The following ANKRD17 variants were observed in gnomAD, a reference collection of about 807,000 sequenced individuals.
ANKRD17 encodes ankyrin repeat domain-containing protein 17.
In ANKRD17, 19 loss-of-function variants were observed where a neutral mutation model predicts 229.7. The observed-to-expected ratio is 0.08, with a 90% CI of 0.06 to 0.12. The LOEUF is 0.12. Among genes scored for constraint, ANKRD17 ranks in the 10% least tolerant of loss-of-function variants. The pLI is 1.00. For synonymous variants in ANKRD17, 1,112 were observed against 1,146.1 expected, an observed-to-expected ratio of 0.97 and a Z score of 0.60; for missense variants, 2,176 against 3,176.8, an observed-to-expected ratio of 0.68 and a Z score of 7.57.
intron 22 of ANKRD17, among the ~76,000 whole-genome samples, chr4:73,117,614 A>G (rs1333137860): frequency 6.6e-6 from 1 of 152,224 alleles, no homozygotes; most frequent in Non-Finnish European, 1.5e-5. Context: ...AGGTAGAATA[A>G]AGAACAGCGG....
intron 22 of ANKRD17, among the ~76,000 whole-genome samples, chr4:73,117,961 G>C (rs1726177666): frequency 6.6e-6 from 1 of 152,164 alleles, no homozygotes; most frequent in Non-Finnish European, 1.5e-5. Context: ...AATGCTGGTA[G>C]TGGCATTTTC....
chr4:73,178,981 G>A (rs1323691178), intron 1 of ANKRD17, among the ~76,000 whole-genome samples: 1 of 151,916 alleles, frequency 6.6e-6, no homozygotes, highest in Non-Finnish European at 1.5e-5. Flanking sequence ...TAACTAATAA[G>A]CTAGAATACA....
At chr4:73,109,754 T>C (rs965090046) in intron 24 of ANKRD17, among the ~76,000 whole-genome samples, 13 of 152,082 alleles carry the variant, frequency 8.5e-5, no homozygotes, top group Non-Finnish European at 1.9e-4. Context: ...GATTGTTTTT[T>C]CTCGACACGT....
intron 1 of ANKRD17, among the ~76,000 whole-genome samples, chr4:73,191,337 A>ATGTGTGTGTGTGTGTGTG (rs1349894740): frequency 3.4e-4 from 21 of 61,908 alleles, no homozygotes; most frequent in African/African-American, 1.3e-3. Flanking sequence ...ACCAAAAAAT[A>ATGTGTGTGTGTGTGTGTG]TATATGTGTG....
chr4:73,090,960 G>A lies in ANKRD17; in HGVS notation c.6668C>T (p.Thr2223Ile). 2 of 1,614,228 alleles carry A rather than the reference G, an allele frequency of 1.2e-6. No homozygotes were observed. The highest frequency in any genetic ancestry group is 2.2e-5 in the East Asian group (1 of 44,884). ...SVPSSVQLPS[T>I]LSTQSACQNS... ...CTGACAAGCACTTTGTGTACTTAAG[G>A]TCGAAGGTAGCTGGACAGAAGAGGG... Residue 2223 changes from threonine (T) to isoleucine (I), a missense_variant, in exon 29 of 34, where the codon ACC becomes ATC. By Grantham distance (89) the Thr-to-Ile change is moderately conservative. This residue lies in a region of ANKRD17 where 424 missense variants were observed against 454.0 expected (regional missense o/e 0.93). Coordinates refer to ENST00000358602, the MANE Select transcript of ANKRD17 (RefSeq NM_032217.5).
intron 1 of ANKRD17, among the ~76,000 whole-genome samples, chr4:73,210,047 A>T (rs2149149975): frequency 6.6e-6 from 1 of 152,316 alleles, no homozygotes; most frequent in Non-Finnish European, 1.5e-5. Flanking sequence ...AAAGAAGCCC[A>T]TAGTCACCAG....
At chr4:73,149,443 C>A (rs1444523325) in intron 7 of ANKRD17, among the ~76,000 whole-genome samples, 1 of 152,022 alleles carries the variant, frequency 6.6e-6, no homozygotes, top group Non-Finnish European at 1.5e-5. Flanking sequence ...TAAGGATAAG[C>A]AAACTTTTGA....
intron 14 of ANKRD17, 118 bp downstream of exon 14, chr4:73,141,623 T>A: frequency 1.1e-6 from 1 of 922,676 alleles, no homozygotes; most frequent in East Asian, 2.6e-5. Flanking sequence ...TATCATGGGT[T>A]AAAAATTTAG....
At chr4:73,204,159 C>A (rs943077836) in intron 1 of ANKRD17, among the ~76,000 whole-genome samples, 1 of 151,758 alleles carries the variant, frequency 6.6e-6, no homozygotes, top group Admixed American at 6.6e-5. Flanking sequence ...GTCACTGAGA[C>A]CATCCTGGTA....
At chr4:73,085,791 G>A (rs969528880) in intron 29 of ANKRD17, among the ~76,000 whole-genome samples, 2 of 150,342 alleles carry the variant, frequency 1.3e-5, no homozygotes, top group South Asian at 2.1e-4. Context: ...TGAACCCAGA[G>A]TTCAAGGCCA....
At chr4:73,216,020 G>A (rs1468013169) in intron 1 of ANKRD17, among the ~76,000 whole-genome samples, 1 of 152,100 alleles carries the variant, frequency 6.6e-6, no homozygotes, top group Non-Finnish European at 1.5e-5. Flanking sequence ...CATTATGACT[G>A]TACCTGTGAA....
At chr4:73,125,357 T>C in intron 16 of ANKRD17, 45 bp from the exon 17 acceptor site, 2 of 1,297,050 alleles carry the variant, frequency 1.5e-6, no homozygotes, top group Non-Finnish European at 2.2e-6. Context: ...TAACTTAAGA[T>C]GTTAATATCA....
intron 3 of ANKRD17, among the ~76,000 whole-genome samples, chr4:73,158,022 T>C (rs907336281): frequency 6.0e-5 from 9 of 150,822 alleles, no homozygotes; most frequent in African/African-American, 2.2e-4. Flanking sequence ...ACCCAGGAGG[T>C]GGAGGTTGCA....
chr4:73,184,299 C>T (rs371948326), intron 1 of ANKRD17, among the ~76,000 whole-genome samples: 113 of 152,150 alleles, frequency 7.4e-4, no homozygotes, highest in African/African-American at 2.4e-4. Context: ...GAGGCCAAGG[C>T]GGGCAGATCA....
chr4:73,147,228 CAA>C lies in ANKRD17; in HGVS notation c.1759+11_1759+12del, dbSNP rs1560594941. The C allele has an allele frequency of 1.3e-6, 2 of 1,519,344 alleles. No homozygotes were observed. Among genetic ancestry groups the C allele is most frequent in the Non-Finnish European group, 1.8e-6 (2 of 1,133,844 alleles). 94.1% of individuals were successfully genotyped at this position (1,519,344 alleles called of 1,614,324 possible). A position where few individuals can be genotyped will look rare whatever the true frequency, so the allele number is the denominator to read the frequency against. On this transcript the variant is annotated intron_variant, in intron 9 of 33. Coordinates refer to ENST00000358602, the MANE Select transcript of ANKRD17 (RefSeq NM_032217.5). Reference sequence around the variant, plus strand: ...TCATGTAAAAAACTTCTCCCAAATGCAAAAATGCCTACCTGCAGCTAATAAGT... The same window carrying C: ...TCATGTAAAAAACTTCTCCCAAATGCAAATGCCTACCTGCAGCTAATAAGT...
At position 73,098,120 on chromosome 4, in the gene ANKRD17, T is replaced by G. The variant is rs73827469; in HGVS notation, c.4974A>C (p.Thr1658=). 1 of 1,607,842 alleles carries G rather than the reference T, an allele frequency of 6.2e-7. No homozygotes were observed. The highest frequency in any genetic ancestry group is 8.5e-7 in the Non-Finnish European group (1 of 1,176,312). Residue 1658 remains threonine, a synonymous_variant, in exon 26 of 34, where the codon ACA becomes ACC. Transcript: ENST00000358602. ...CAGATTTTCTCTCTTCCTTTGGAAA[T>G]GTAACAAGAACTGATGGCTGCTTTT... ...SSKKQPSVLV[T]FPKEERKSVS... is the part of the protein sequence containing the mutation.
intron 1 of ANKRD17, among the ~76,000 whole-genome samples, chr4:73,179,511 TATATA>T (rs1560665962): frequency 3.4e-5 from 3 of 87,140 alleles, no homozygotes; most frequent in Non-Finnish European, 7.3e-5. Context: ...TATATATATA[TATATA>T]TATTTTTTTT....
intron 1 of ANKRD17, among the ~76,000 whole-genome samples, chr4:73,197,009 A>G (rs1286247436): frequency 6.6e-6 from 1 of 152,146 alleles, no homozygotes; most frequent in Non-Finnish European, 1.5e-5. Flanking sequence ...ACAAAATCCC[A>G]TAATTTATTT....
chr4:73,131,967 T>A (rs1465330679), intron 16 of ANKRD17, among the ~76,000 whole-genome samples: 2 of 152,146 alleles, frequency 1.3e-5, no homozygotes, highest in East Asian at 3.9e-4. Flanking sequence ...TTATCACACA[T>A]AATCAAAGTA....
Sources: allele counts gnomAD v4.1 joint callset (sites outside exome capture counted in the v4.1 genomes callset), GRCh38; gene constraint gnomAD v4.1.1; regional missense constraint gnomAD v4.1.1; transcripts MANE v1.5; gene names NCBI Gene and HGNC (gene_info 2026-07-23, HGNC 2026-07-21).